Variants in GAPVD1 observed in about 807,000 individuals in gnomAD.
GAPVD1 encodes GTPase-activating protein and VPS9 domain-containing protein 1.
Under a neutral mutation model 155.5 loss-of-function variants are expected in GAPVD1, and 35 were observed. That is an observed-to-expected ratio of 0.23 (90% CI 0.17 to 0.30). The LOEUF (loss-of-function observed/expected upper bound fraction) is 0.30. Ranked by LOEUF, GAPVD1 falls within the 10% of genes least tolerant of loss-of-function variation. GAPVD1 has a pLI of 1.00. For missense variants in GAPVD1, 1,429 were observed against 1,775.7 expected (o/e 0.80, Z 3.51); for synonymous variants, 636 against 619.7 (o/e 1.03, Z -0.39).
Position 125,337,283 on chromosome 9 carries a change from C to A in GAPVD1, c.2569C>A (p.Pro857Thr). 1.9e-6 allele frequency: 3 copies of A among 1,614,110 alleles called. No homozygotes were observed. Among genetic ancestry groups the A allele is most frequent in the Non-Finnish European group, 8.5e-7 (1 of 1,179,944 alleles). Residue 857 changes from proline (P) to threonine (T), a missense_variant, in exon 17 of 28, where the codon CCC becomes ACC. Pro to Thr is a conservative substitution (Grantham distance 38). Around this residue, in one of 4 missense-constraint regions of GAPVD1, gnomAD observed 699 missense variants for 826.0 expected, o/e 0.85. Transcript: ENST00000297933. ...YARPSHPPPDPPILEGAVGGN... is the reference protein window; with the variant it reads ...YARPSHPPPDTPILEGAVGGN... ...TAGGCCATCGCATCCACCACCAGAT[C>A]CCCCAATCCTGGAAGGAGCTGTGGG...
chr9:125,349,904 C>T (rs115584105), intron 21 of GAPVD1, among the ~76,000 whole-genome samples: 155 of 151,574 alleles, frequency 1.0e-3, no homozygotes, highest in African/African-American at 3.6e-3. Context: ...TATTTTGTGG[C>T]GTCATCAGCG....
chr9:125,288,462 C>T (rs1838076682), intron 2 of GAPVD1, among the ~76,000 whole-genome samples: 1 of 152,114 alleles, frequency 6.6e-6, no homozygotes, highest in South Asian at 2.1e-4. Context: ...TTCCCATCCA[C>T]CAAAGGACTA....
intron 2 of GAPVD1, among the ~76,000 whole-genome samples, chr9:125,290,146 G>A (rs1838343558): frequency 6.6e-6 from 1 of 152,148 alleles, no homozygotes; most frequent in African/African-American, 2.4e-5. Context: ...GGGTTTAGGA[G>A]TGGATGAGAG....
intron 8 of GAPVD1, among the ~76,000 whole-genome samples, chr9:125,311,000 C>T (rs1289151294): frequency 4.6e-5 from 7 of 151,244 alleles, no homozygotes; most frequent in East Asian, 2.0e-4. Context: ...CCACCATGCC[C>T]GGCTAATTTT....
intron 14 of GAPVD1, among the ~76,000 whole-genome samples, 167 bp from the exon 15 acceptor site, chr9:125,332,343 G>T (rs1846214556): frequency 6.6e-6 from 1 of 152,122 alleles, no homozygotes. Flanking sequence ...GTAAAGCAAG[G>T]TAAGTATATT....
intron 2 of GAPVD1, among the ~76,000 whole-genome samples, chr9:125,275,320 C>T (rs1835592863): frequency 6.6e-6 from 1 of 152,328 alleles, no homozygotes; most frequent in Non-Finnish European, 1.5e-5. Context: ...AGGTGATCCA[C>T]CCACCTGGGC....
At chr9:125,360,802 G>A (rs754601612) in intron 27 of GAPVD1, 77 bp downstream of exon 27, 37 of 1,053,072 alleles carry the variant, frequency 3.5e-5, no homozygotes, top group Non-Finnish European at 5.3e-5. Context: ...CACAACCATA[G>A]ATATCTTGGC....
chr9:125,334,559 T>C (rs1237630677), intron 15 of GAPVD1, among the ~76,000 whole-genome samples: 1 of 152,146 alleles, frequency 6.6e-6, no homozygotes, highest in Non-Finnish European at 1.5e-5. Flanking sequence ...AGATAAACTG[T>C]ATTTCTTATG....
chr9:125,365,612 G>A lies in GAPVD1; in HGVS notation c.*2866G>A, dbSNP rs1851430140. ...GCTTTTAGAAGTAATAGAAATACAA[G>A]TTGAAGATTGTCTTTACTTACAAAA... On this transcript the variant is annotated 3_prime_UTR_variant, in exon 28 of 28. Coordinates refer to ENST00000297933, the MANE Select transcript of GAPVD1 (RefSeq NM_001282680.3). 6.6e-6 allele frequency: 1 copy of A among 152,164 alleles called. No individual in the cohort carries two copies. Among genetic ancestry groups the A allele is most frequent in the African/African-American group, 2.4e-5 (1 of 41,438 alleles). 9.4% of individuals were successfully genotyped at this position (152,164 alleles called of 1,614,324 possible).
chr9:125,274,265 G>T (rs1283092740), intron 2 of GAPVD1, among the ~76,000 whole-genome samples: 1 of 151,760 alleles, frequency 6.6e-6, no homozygotes, highest in African/African-American at 2.4e-5. Context: ...TGATCTGCCG[G>T]CCTCGGCCTC....
At chr9:125,315,039 G>A (rs756880803) in intron 9 of GAPVD1, among the ~76,000 whole-genome samples, 3 of 151,988 alleles carry the variant, frequency 2.0e-5, no homozygotes, top group Admixed American at 6.6e-5. Flanking sequence ...CGCCCACCTC[G>A]GCCTCCCAAA....
At chr9:125,327,552 G>C (rs1003577881) in intron 12 of GAPVD1, among the ~76,000 whole-genome samples, 1 of 151,770 alleles carries the variant, frequency 6.6e-6, no homozygotes, top group African/African-American at 2.4e-5. Context: ...GCCCAGGCTG[G>C]AGTTGCAGTG....
In GAPVD1 at chr9:125,355,745, G is replaced by A. The variant is rs1849982351; in HGVS notation, c.3859G>A (p.Ala1287Thr). 3 of 1,613,194 alleles carry A rather than the reference G, an allele frequency of 1.9e-6. No homozygotes were observed. The highest frequency in any genetic ancestry group is 2.5e-6 in the Non-Finnish European group (3 of 1,179,186). ...GGCCCAGGATGTCATATGGCAAAAC[G>A]CGAGTGAAGAACAGCTTCAAGATGC... ...AMAQDVIWQN[A>T]SEEQLQDAQL... Residue 1287 changes from alanine (A) to threonine (T), a missense_variant, in exon 25 of 28, where the codon GCG (alanine) becomes ACG (threonine). Ala to Thr is a moderately conservative substitution (Grantham distance 58). Transcript: ENST00000297933.
Position 125,362,921 on chromosome 9 carries a change from G to A in GAPVD1, c.*175G>A, listed in dbSNP as rs367774401. On this transcript the variant is annotated 3_prime_UTR_variant, in exon 28 of 28. Coordinates refer to ENST00000297933, the MANE Select transcript of GAPVD1 (RefSeq NM_001282680.3). ...AATGAGCTAACAAGCAGGTTCTCTC[G>A]TCTTTGGGCTCTTTCCTTTCTGAGT... is the stretch of plus-strand genomic sequence containing the variant. The A allele has an allele frequency of 1.9e-5, 8 of 426,706 alleles. No individual in the cohort carries two copies. The highest frequency in any genetic ancestry group is 6.3e-4 in the Middle Eastern group (1 of 1,600). 26.4% of individuals were successfully genotyped at this position (426,706 alleles called of 1,614,324 possible). A position where few individuals can be genotyped will look rare whatever the true frequency, so the allele number is the denominator to read the frequency against.
intron 3 of GAPVD1, among the ~76,000 whole-genome samples, chr9:125,297,902 C>T (rs1840132395): frequency 1.3e-5 from 2 of 152,114 alleles, no homozygotes; most frequent in South Asian, 2.1e-4. Context: ...TACACCACCA[C>T]ACCCAACTAA....
At chr9:125,330,271 A>G (rs1845893856) in intron 13 of GAPVD1, 53 bp downstream of exon 13, 2 of 1,251,480 alleles carry the variant, frequency 1.6e-6, no homozygotes. Flanking sequence ...TTTTAATTAA[A>G]TGCAAGGTAT....
intron 2 of GAPVD1, among the ~76,000 whole-genome samples, chr9:125,275,036 TTTG>T (rs1311018051): frequency 2.6e-5 from 4 of 152,202 alleles, no homozygotes; most frequent in East Asian, 1.9e-4. Context: ...ATCTTTCTTT[TTTG>T]TTGTTGTTGC....
At chr9:125,334,574 C>T (rs1846598403) in intron 15 of GAPVD1, among the ~76,000 whole-genome samples, 3 of 151,852 alleles carry the variant, frequency 2.0e-5, no homozygotes, top group South Asian at 2.1e-4. Flanking sequence ...CTTATGAATA[C>T]GTAATTGGGT....
chr9:125,296,020 T>G (rs1409493319), intron 3 of GAPVD1, among the ~76,000 whole-genome samples: 1 of 152,148 alleles, frequency 6.6e-6, no homozygotes, highest in Non-Finnish European at 1.5e-5. Flanking sequence ...TATGAAAAAT[T>G]TCTAACATAC....
Sources: allele counts gnomAD v4.1 joint callset (sites outside exome capture counted in the v4.1 genomes callset), GRCh38; gene constraint gnomAD v4.1.1; regional missense constraint gnomAD v4.1.1; transcripts MANE v1.5; gene names NCBI Gene and HGNC (gene_info 2026-07-23, HGNC 2026-07-21).